Variants in GPM6A observed in about 807,000 individuals in gnomAD.
The protein encoded by GPM6A is glycoprotein M6A.
A neutral mutation model predicts 32.1 loss-of-function variants in GPM6A; 7 were observed. The observed-to-expected ratio is 0.22, with a 90% CI of 0.12 to 0.41. GPM6A has a LOEUF of 0.41. Among genes scored for constraint, GPM6A ranks in the 10% least tolerant of loss-of-function variants. The pLI, the probability that GPM6A is intolerant of heterozygous loss-of-function variation, is 1.00. For missense variants in GPM6A, 235 were observed against 347.2 expected (o/e 0.68, Z 2.57); for synonymous variants, 130 against 123.4 (o/e 1.05, Z -0.35).
chr4:175,750,439 T>G (rs1732285764), intron 1 of GPM6A, among the ~76,000 whole-genome samples: 1 of 152,146 alleles, frequency 6.6e-6, no homozygotes, highest in Non-Finnish European at 1.5e-5. Flanking sequence ...GACTTTAATG[T>G]GTACCGGAGC....
intron 1 of GPM6A, among the ~76,000 whole-genome samples, chr4:175,995,813 T>A (rs1177063578): frequency 1.3e-5 from 2 of 152,248 alleles, no homozygotes; most frequent in African/African-American, 4.8e-5. Context: ...TTAAAATAAA[T>A]AGCGAATATC....
chr4:175,976,674 A>C (rs2126434210), intron 1 of GPM6A, among the ~76,000 whole-genome samples: 1 of 152,266 alleles, frequency 6.6e-6, no homozygotes, highest in South Asian at 2.1e-4. Context: ...TACACAGATG[A>C]ACGGTCCACT....
intron 1 of GPM6A, among the ~76,000 whole-genome samples, chr4:175,915,448 G>A (rs775385527): frequency 1.3e-5 from 2 of 151,866 alleles, no homozygotes; most frequent in African/African-American, 2.4e-5. Flanking sequence ...CAGCACATGC[G>A]GCTAATTTTT....
chr4:175,979,258 AT>A (rs1740752068), intron 1 of GPM6A, among the ~76,000 whole-genome samples: 1 of 152,114 alleles, frequency 6.6e-6, no homozygotes, highest in Admixed American at 6.5e-5. Flanking sequence ...ATCAATTTAT[AT>A]TACTGAATAT....
At position 175,951,940 on chromosome 4, in the gene GPM6A, C is replaced by T. The variant is rs1430908535; in HGVS notation, c.-23+50369G>A. Among the ~76,000 whole-genome samples the T allele has an allele frequency of 1.3e-5, 2 of 152,258 alleles. 1 individual carries two copies. Among genetic ancestry groups the T allele is most frequent in the Non-Finnish European group, 2.9e-5 (2 of 68,052 alleles). ...CCAGCAGTCTACCTTCCAACTTTCC[C>T]TACACCATCGGCTCTCCTGGGCTTG... On this transcript the variant is annotated intron_variant, in intron 1 of 7. Transcript: ENST00000280187.
intron 1 of GPM6A, among the ~76,000 whole-genome samples, chr4:175,965,131 C>T (rs572578939): frequency 2.0e-5 from 3 of 152,264 alleles, no homozygotes; most frequent in Admixed American, 6.5e-5. Flanking sequence ...CTCAATCTCA[C>T]GCAGAACATT....
intron 1 of GPM6A, among the ~76,000 whole-genome samples, chr4:175,956,109 G>A (rs1284597946): frequency 1.3e-5 from 2 of 152,032 alleles, no homozygotes; most frequent in African/African-American, 4.8e-5. Context: ...GTACAAAACC[G>A]AATGCTCTAC....
intron 1 of GPM6A, among the ~76,000 whole-genome samples, chr4:175,731,014 G>A (rs142326854): frequency 2.6e-5 from 4 of 151,966 alleles, no homozygotes; most frequent in Admixed American, 6.6e-5. Context: ...TTTTCTTGTC[G>A]ACCATTCAAA....
chr4:175,774,701 A>G (rs1478420504), intron 1 of GPM6A, among the ~76,000 whole-genome samples: 1 of 152,080 alleles, frequency 6.6e-6, no homozygotes, highest in Non-Finnish European at 1.5e-5. Context: ...AACAGAGCAA[A>G]GAATACATGT....
chr4:175,945,396 C>A (rs1292103408), intron 1 of GPM6A, among the ~76,000 whole-genome samples: 1 of 152,106 alleles, frequency 6.6e-6, no homozygotes, highest in East Asian at 1.9e-4. Flanking sequence ...CTTTTTAAAA[C>A]CCCATCTGAA....
At chr4:175,774,588 T>G (rs1156848281) in intron 1 of GPM6A, among the ~76,000 whole-genome samples, 1 of 152,024 alleles carries the variant, frequency 6.6e-6, no homozygotes, top group African/African-American at 2.4e-5. Flanking sequence ...CTAAAAACAA[T>G]CAGCCACTGA....
intron 1 of GPM6A, among the ~76,000 whole-genome samples, chr4:175,993,836 A>G (rs140575945): frequency 2.0e-5 from 3 of 152,330 alleles, no homozygotes; most frequent in Admixed American, 6.5e-5. Flanking sequence ...CCAGACACAG[A>G]GAGACATAAA....
intron 1 of GPM6A, among the ~76,000 whole-genome samples, chr4:175,841,001 A>G (rs1327747441): frequency 6.6e-6 from 1 of 152,226 alleles, no homozygotes; most frequent in Non-Finnish European, 1.5e-5. Flanking sequence ...TCCCTATTTT[A>G]CAGAGAAGGA....
At chr4:175,725,145 A>C (rs569093096) in intron 1 of GPM6A, among the ~76,000 whole-genome samples, 17 of 152,316 alleles carry the variant, frequency 1.1e-4, no homozygotes, top group African/African-American at 3.8e-4. Flanking sequence ...TTGTTGCTCA[A>C]TTAATATTTT....
intron 1 of GPM6A, among the ~76,000 whole-genome samples, chr4:175,751,470 C>A (rs1231369673): frequency 6.6e-6 from 1 of 151,946 alleles, no homozygotes; most frequent in Admixed American, 6.6e-5. Context: ...ATAAACTAAC[C>A]ATATATTACT....
rs371606490 is a variant in GPM6A at position 175,697,758 on chromosome 4, G to T, written c.230+3817C>A. On this transcript the variant is annotated intron_variant, in intron 2 of 6. Transcript: ENST00000393658. ...AAATACATTCTTCTCTCTCTCTGGA[G>T]GTTGCCACACCTCAAATGTAATGGG... is the stretch of plus-strand genomic sequence containing the variant. 5.2e-3 allele frequency among the ~76,000 whole-genome samples: 785 copies of T among 152,216 alleles called. 3 individuals carry two copies. The highest frequency in any genetic ancestry group is 0.014 in the Middle Eastern group (4 of 294).
chr4:175,645,398 T>G (rs1741397687), intron 4 of GPM6A, among the ~76,000 whole-genome samples: 1 of 152,070 alleles, frequency 6.6e-6, no homozygotes, highest in South Asian at 2.1e-4. Context: ...ACAGTTGAAG[T>G]GCGACTCCTA....
chr4:175,762,533 G>A (rs1292419300), intron 1 of GPM6A, among the ~76,000 whole-genome samples: 2 of 151,992 alleles, frequency 1.3e-5, no homozygotes, highest in Non-Finnish European at 2.9e-5. Context: ...TTTAAACTCT[G>A]ACTGAAATCA....
At chr4:175,952,916 C>A (rs540396458) in intron 1 of GPM6A, among the ~76,000 whole-genome samples, 1 of 151,664 alleles carries the variant, frequency 6.6e-6, no homozygotes, top group South Asian at 2.1e-4. Context: ...CATGGTGGCG[C>A]ATGACTGTGG....
Sources: allele counts gnomAD v4.1 joint callset (sites outside exome capture counted in the v4.1 genomes callset), GRCh38; gene constraint gnomAD v4.1.1; transcripts MANE v1.5; gene names NCBI Gene and HGNC (gene_info 2026-07-23, HGNC 2026-07-21).